TEX14: variants seen among roughly 807,000 people sequenced by gnomAD.
TEX14 encodes testis expressed 14, intercellular bridge forming factor, also known as inactive serine/threonine-protein kinase TEX14.
In TEX14, 168 loss-of-function variants were observed where a neutral mutation model predicts 178.6. That is an observed-to-expected ratio of 0.94 (90% CI 0.83 to 1.07). The LOEUF is 1.07. Among genes scored for constraint, TEX14 ranks in the 50% least tolerant of loss-of-function variants. The pLI is 0.00. For missense variants in TEX14, 1,730 were observed against 1,753.6 expected (o/e 0.99, Z 0.24); for synonymous variants, 626 against 634.1 (o/e 0.99, Z 0.19).
intron 1 of TEX14, chr17:58,660,795 C>A (rs754101307): frequency 1.3e-6 from 1 of 781,590 alleles, no homozygotes; most frequent in Non-Finnish European, 2.4e-6. Context: ...CAGTCACTCA[C>A]TGTCATGGAA....
At chr17:58,650,332 G>A (rs569143045) in intron 2 of TEX14, among the ~76,000 whole-genome samples, 1 of 152,192 alleles carries the variant, frequency 6.6e-6, no homozygotes, top group Admixed American at 6.5e-5. Context: ...GATTACAGGT[G>A]TGAGTCACCA....
At chr17:58,604,486 T>C (rs1418003782) in intron 11 of TEX14, among the ~76,000 whole-genome samples, 2 of 149,112 alleles carry the variant, frequency 1.3e-5, no homozygotes, top group Non-Finnish European at 3.0e-5. Flanking sequence ...AAATAAAAAA[T>C]AAAAATAAAA....
At chr17:58,651,084 A>G (rs2046829915) in intron 2 of TEX14, among the ~76,000 whole-genome samples, 1 of 152,204 alleles carries the variant, frequency 6.6e-6, no homozygotes, top group Non-Finnish European at 1.5e-5. Context: ...CCTGAGCAAC[A>G]TGGCGAAAGC....
intron 3 of TEX14, among the ~76,000 whole-genome samples, chr17:58,627,753 G>A (rs551379505): frequency 7.7e-5 from 10 of 129,824 alleles, no homozygotes; most frequent in Non-Finnish European, 9.4e-5. Context: ...CTGGGTGACA[G>A]AGCAAGACTC....
chr17:58,609,153 A>G (rs1334838449), intron 10 of TEX14, among the ~76,000 whole-genome samples: 1 of 152,098 alleles, frequency 6.6e-6, no homozygotes, highest in Non-Finnish European at 1.5e-5. Context: ...TCTGTCGCCC[A>G]GGCTGGAGTG....
In TEX14 at chr17:58,594,055, G is replaced by A. The variant is rs202003720; in HGVS notation, c.2470-394C>T. On this transcript the variant is annotated intron_variant, in intron 14 of 31. Transcript: ENST00000349033. ...TCACCATGTTGGCCAGGATGGTCTC[G>A]ATATCTTGACTTTGTGATCCACCCA... Among the ~76,000 whole-genome samples the A allele has an allele frequency of 3.3e-5, 5 of 152,014 alleles. No homozygotes were observed. The East Asian group carries it at 7.7e-4, about 24-fold the overall frequency.
chr17:58,620,620 A>G (rs374054398), intron 5 of TEX14, among the ~76,000 whole-genome samples: 8 of 152,114 alleles, frequency 5.3e-5, no homozygotes, highest in African/African-American at 1.9e-4. Context: ...CAGCCTCCTG[A>G]GTAGCTGGGA....
chr17:58,672,142 C>T lies in TEX14; in HGVS notation c.-2+19797G>A, dbSNP rs535343919. 5.3e-5 allele frequency among the ~76,000 whole-genome samples: 8 copies of T among 152,232 alleles called. No individual in the cohort carries two copies. In the East Asian group the frequency reaches 9.6e-4, roughly 18 times the overall value. ...CATGCTCAGTTCACAATAGGTTTCA[C>T]GCTCCTATGAGAATCTAATGTGGCT... On this transcript the variant is annotated intron_variant, in intron 1 of 31. Transcript: ENST00000349033.
intron 2 of TEX14, among the ~76,000 whole-genome samples, chr17:58,639,035 T>C (rs1482565945): frequency 2.0e-5 from 3 of 151,468 alleles, no homozygotes; most frequent in Non-Finnish European, 2.9e-5. Context: ...GGCTAATTTT[T>C]TTTTTATATT....
At chr17:58,624,201 G>A (rs1299135416) in intron 3 of TEX14, among the ~76,000 whole-genome samples, 2 of 151,878 alleles carry the variant, frequency 1.3e-5, no homozygotes, top group Admixed American at 6.6e-5. Flanking sequence ...TAAGAATGGC[G>A]TAATGGCATA....
chr17:58,582,603 A>C, intron 19 of TEX14, among the ~76,000 whole-genome samples: 2 of 136,196 alleles, frequency 1.5e-5, no homozygotes, highest in African/African-American at 2.8e-5. Context: ...TTCCTCTGTC[A>C]CCCAGGCTGG....
intron 1 of TEX14, chr17:58,661,383 T>C (rs1567764967): frequency 3.3e-6 from 3 of 913,278 alleles, no homozygotes; most frequent in Non-Finnish European, 5.6e-6. Flanking sequence ...GTGGAAGTAA[T>C]CTCCTCCAAA....
At chr17:58,651,564 G>T (rs909058617) in intron 2 of TEX14, among the ~76,000 whole-genome samples, 1 of 152,156 alleles carries the variant, frequency 6.6e-6, no homozygotes, top group African/African-American at 2.4e-5. Flanking sequence ...GGATGGAGCA[G>T]ATTTCAAGGA....
At chr17:58,610,416 ACT>A (rs777282570) in intron 10 of TEX14, among the ~76,000 whole-genome samples, 13 of 152,062 alleles carry the variant, frequency 8.5e-5, no homozygotes, top group Admixed American at 3.3e-4. Context: ...CCCAAACCCC[ACT>A]GTGTCCCCTC....
intron 28 of TEX14, 125 bp downstream of exon 28, chr17:58,564,744 G>A (rs1567989788): frequency 3.9e-6 from 2 of 514,434 alleles, no homozygotes; most frequent in East Asian, 6.5e-5. Context: ...AGGAATAGGG[G>A]CTATTAGGAT....
At chr17:58,661,611 T>C (rs748983039) in intron 1 of TEX14, 3 of 703,458 alleles carry the variant, frequency 4.3e-6, no homozygotes, top group Admixed American at 4.5e-5. Context: ...TTGGGAAGGC[T>C]GATGCGAAAT....
chr17:58,562,587 C>T (rs1008007756), intron 28 of TEX14, among the ~76,000 whole-genome samples: 1 of 152,150 alleles, frequency 6.6e-6, no homozygotes, highest in African/African-American at 2.4e-5. Flanking sequence ...TCACTGCAAC[C>T]TCTGCCTCCC....
chr17:58,619,623 G>A (rs753775716), intron 5 of TEX14, among the ~76,000 whole-genome samples: 12 of 151,916 alleles, frequency 7.9e-5, no homozygotes, highest in South Asian at 2.1e-4. Flanking sequence ...GCCTGGCCAC[G>A]GTGAAACCCC....
chr17:58,603,067 CA>C (rs953381882), intron 11 of TEX14, among the ~76,000 whole-genome samples: 1 of 148,490 alleles, frequency 6.7e-6, no homozygotes, highest in Non-Finnish European at 1.5e-5. Context: ...AACAAAAAAA[CA>C]AAAAAAAACT....
Sources: gnomAD v4.1 joint callset for allele counts (sites outside exome capture counted in the v4.1 genomes callset) on GRCh38, gnomAD v4.1.1 for gene constraint, MANE v1.5 for transcripts, NCBI Gene and HGNC (gene_info 2026-07-23, HGNC 2026-07-21) for gene names.